Variants in SPATA31H1 observed in about 807,000 individuals in gnomAD.
The protein encoded by SPATA31H1 is spermatogenesis-associated protein 31H1.
the SPATA31H1 span, chr2:27,576,633 T>A: frequency 6.2e-7 from 1 of 1,612,092 alleles, no homozygotes; most frequent in Non-Finnish European, 8.5e-7. Flanking sequence ...GACTTCAGGA[T>A]GGCAAGATGT....
chr2:27,547,176 T>C, the SPATA31H1 span, among the ~76,000 whole-genome samples: 3 of 150,838 alleles, frequency 2.0e-5, no homozygotes, highest in African/African-American at 7.4e-5. Flanking sequence ...CCAACTTTGA[T>C]CTTTTTTTTT....
the SPATA31H1 span, among the ~76,000 whole-genome samples, chr2:27,559,236 A>G: frequency 6.6e-6 from 1 of 152,200 alleles, no homozygotes; most frequent in Admixed American, 6.5e-5. Flanking sequence ...AATCCAATAA[A>G]GGATTAAATT....
At chr2:27,581,371 G>C in the SPATA31H1 span, 1 of 1,613,776 alleles carries the variant, frequency 6.2e-7, no homozygotes, top group Non-Finnish European at 8.5e-7. Context: ...AACCATTCCA[G>C]TCCTTCTGAG....
chr2:27,552,186 CTA>C, the SPATA31H1 span, among the ~76,000 whole-genome samples: 6 of 151,982 alleles, frequency 3.9e-5, no homozygotes, highest in African/African-American at 1.5e-4. Flanking sequence ...CATCACAATC[CTA>C]TGTTTTCTTC....
At chr2:27,538,619 G>T in the SPATA31H1 span, among the ~76,000 whole-genome samples, 3 of 151,894 alleles carry the variant, frequency 2.0e-5, no homozygotes, top group Non-Finnish European at 2.9e-5. Context: ...ATCACTTGAG[G>T]TCAGGAGTTC....
the SPATA31H1 span, chr2:27,566,533 A>T: frequency 1.6e-6 from 1 of 616,324 alleles, no homozygotes; most frequent in East Asian, 2.7e-5. Context: ...TGGTGGAAGG[A>T]TCATTTCTGG....
At chr2:27,556,680 T>A in the SPATA31H1 span, among the ~76,000 whole-genome samples, 1 of 128,814 alleles carries the variant, frequency 7.8e-6, no homozygotes, top group Non-Finnish European at 1.6e-5. Context: ...CTTGTATATA[T>A]AAAGGGCATA....
At chr2:27,543,799 G>T in the SPATA31H1 span, among the ~76,000 whole-genome samples, 2 of 151,824 alleles carry the variant, frequency 1.3e-5, no homozygotes, top group African/African-American at 4.9e-5. Flanking sequence ...AGGGCTCCGG[G>T]ACCCCCTACC....
At chr2:27,576,884 T>C in the SPATA31H1 span, 2 of 1,614,108 alleles carry the variant, frequency 1.2e-6, no homozygotes, top group Non-Finnish European at 8.5e-7. Flanking sequence ...GAGTGAAATA[T>C]GGGGAGCAAA....
At chr2:27,580,140 CG>C in the SPATA31H1 span, 6 of 1,614,152 alleles carry the variant, frequency 3.7e-6, no homozygotes, top group Non-Finnish European at 5.1e-6. Flanking sequence ...ACCCGTCATA[CG>C]GAGAAGCCCT....
At chr2:27,576,887 G>T in the SPATA31H1 span, 1 of 1,614,050 alleles carries the variant, frequency 6.2e-7, no homozygotes, top group Admixed American at 1.7e-5. Context: ...TGAAATATGG[G>T]GAGCAAACTC....
the SPATA31H1 span, chr2:27,579,820 T>C: frequency 6.2e-7 from 1 of 1,614,164 alleles, no homozygotes; most frequent in South Asian, 1.1e-5. Flanking sequence ...TCAGAACAGT[T>C]CCAGTTGCTA....
the SPATA31H1 span, chr2:27,581,252 C>T: frequency 6.2e-7 from 1 of 1,614,228 alleles, no homozygotes; most frequent in Non-Finnish European, 8.5e-7. Flanking sequence ...CCCGTCATAA[C>T]CCCTCTTGGA....
the SPATA31H1 span, among the ~76,000 whole-genome samples, chr2:27,545,792 A>G: frequency 6.6e-6 from 1 of 151,680 alleles, no homozygotes; most frequent in South Asian, 2.1e-4. Context: ...TGAACTCCTG[A>G]CATTGGGTGA....
At chr2:27,541,971 G>A in the SPATA31H1 span, among the ~76,000 whole-genome samples, 135 of 151,882 alleles carry the variant, frequency 8.9e-4, no homozygotes, top group Non-Finnish European at 1.5e-3. Flanking sequence ...AGAGGGTATC[G>A]CCATGGTGCC....
At chr2:27,566,151 G>A in the SPATA31H1 span, 2 of 716,970 alleles carry the variant, frequency 2.8e-6, no homozygotes, top group Non-Finnish European at 5.2e-6. Flanking sequence ...GTGAAAGTTA[G>A]ACGTAAAGTA....
At chr2:27,577,893 C>T in the SPATA31H1 span, 9 of 1,614,078 alleles carry the variant, frequency 5.6e-6, no homozygotes, top group Admixed American at 3.3e-5. This position sits in a 1 kb window ranked among gnomAD's most constrained non-coding sequence, Gnocchi z 4.5. Flanking sequence ...CTCTGAGGCA[C>T]GGCAGCACAG....
the SPATA31H1 span, chr2:27,573,599 C>A: frequency 7.5e-6 from 3 of 398,332 alleles, no homozygotes; most frequent in Non-Finnish European, 1.3e-5. Context: ...AATCATGTGG[C>A]CCAATTTCAA....
At chr2:27,565,392 C>T in the SPATA31H1 span, 3 of 717,348 alleles carry the variant, frequency 4.2e-6, no homozygotes, top group Admixed American at 6.0e-5. Flanking sequence ...CAGAGAGATC[C>T]TATCCTTTAC....
Sources: gnomAD v4.1 joint callset for allele counts (sites outside exome capture counted in the v4.1 genomes callset) on GRCh38, gnomAD v4.1.1 for gene constraint, Gnocchi (gnomAD v3.1) non-coding constraint, MANE v1.5 for transcripts, NCBI Gene and HGNC (gene_info 2026-07-23, HGNC 2026-07-21) for gene names.